The following TRIM22 variants were observed in gnomAD, a reference collection of about 807,000 sequenced individuals.
TRIM22 encodes the protein tripartite motif containing 22, also known as E3 ubiquitin-protein ligase TRIM22.
Under a neutral mutation model 53.6 loss-of-function variants are expected in TRIM22, and 45 were observed. The ratio of observed to expected loss-of-function variants is 0.84; its 90% CI spans 0.66 to 1.08. The LOEUF is 1.08. Among genes scored for constraint, TRIM22 ranks in the 50% least tolerant of loss-of-function variants. The pLI, the probability that TRIM22 is intolerant of heterozygous loss-of-function variation, is 0.00. For missense variants in TRIM22, 616 were observed against 590.9 expected (o/e 1.04, Z -0.44); for synonymous variants, 225 against 216.6 (o/e 1.04, Z -0.34).
At chr11:5,695,253 G>A (rs1853238585) in intron 1 of TRIM22, among the ~76,000 whole-genome samples, 1 of 152,204 alleles carries the variant, frequency 6.6e-6, no homozygotes, top group South Asian at 2.1e-4. Context: ...CTTCTAAGAA[G>A]AGGACTTCTA....
intron 1 of TRIM22, chr11:5,690,878 G>A (rs1317843037): frequency 6.6e-6 from 1 of 152,252 alleles, no homozygotes; most frequent in Non-Finnish European, 1.5e-5. Flanking sequence ...TGGGTATGAG[G>A]CGAAGGAGTC....
In TRIM22 at chr11:5,709,418, G is replaced by C. The variant is rs1192333762; in HGVS notation, c.1267G>C (p.Asp423His). The C allele has an allele frequency of 6.2e-7, 1 of 1,614,042 alleles. No homozygotes were observed. The highest frequency in any genetic ancestry group is 1.3e-5 in the African/African-American group (1 of 75,000). The change falls in exon 8 of 8, where the codon GAC (aspartate) becomes CAC (histidine). Residue 423 changes from aspartate to histidine, a missense_variant. By Grantham distance (81) the Asp-to-His change is moderately conservative. Transcript: ENST00000379965. ...QNTCEYNAFE[D>H]SSSSDPKVLT... is the part of the protein sequence containing the mutation. Reference sequence around the variant, plus strand: ...TACATGTGAATATAATGCTTTTGAGGACTCCTCCTCTTCTGATCCCAAGGT... The same window carrying C: ...TACATGTGAATATAATGCTTTTGAGCACTCCTCCTCTTCTGATCCCAAGGT...
At chr11:5,697,130 C>A in intron 2 of TRIM22, 118 bp from the exon 3 acceptor site, 1 of 701,742 alleles carries the variant, frequency 1.4e-6, no homozygotes, top group South Asian at 2.1e-5. Context: ...TAATCACCAG[C>A]CTCACTGTTT....
At chr11:5,701,278 A>G (rs4369439) in intron 4 of TRIM22, among the ~76,000 whole-genome samples, 88,968 of 151,990 alleles carry the variant, frequency 0.59, 26,219 homozygotes, top group Admixed American at 0.63. Flanking sequence ...GGAGAATTTT[A>G]ATAATTTCCT....
rs1433968758 is a variant in TRIM22 at position 5,693,077 on chromosome 11, G to A, written c.-66-3090G>A. ...ATATATATATTTTTTAGTAGATACGGGGTCTCACCATAGTGGCCAGGCTGG... is the reference window on the plus strand; with the variant it reads ...ATATATATATTTTTTAGTAGATACGAGGTCTCACCATAGTGGCCAGGCTGG... On this transcript the variant is annotated intron_variant, in intron 1 of 7. Transcript: ENST00000379965. Among the ~76,000 whole-genome samples the A allele has an allele frequency of 4.0e-5, 6 of 151,608 alleles. No homozygotes were observed. In the East Asian group the frequency reaches 9.8e-4, roughly 25 times the overall value.
At chr11:5,706,648 G>T (rs1456913381) in intron 5 of TRIM22, 32 bp downstream of exon 5, 5 of 1,588,706 alleles carry the variant, frequency 3.1e-6, no homozygotes, top group Non-Finnish European at 4.3e-6. Flanking sequence ...GGTCTTATTT[G>T]TCTGAAAAGA....
At chr11:5,706,492 C>CA in intron 4 of TRIM22, 102 bp from the exon 5 acceptor site, 3 of 1,035,230 alleles carry the variant, frequency 2.9e-6, no homozygotes, top group South Asian at 1.6e-5. Context: ...ATATATATAA[C>CA]AAAAAATATA....
chr11:5,693,010 G>A (rs1853197655), intron 1 of TRIM22, among the ~76,000 whole-genome samples: 1 of 151,356 alleles, frequency 6.6e-6, no homozygotes, highest in African/African-American at 2.4e-5. Context: ...AGAGTAGCGG[G>A]GACTACAAGC....
chr11:5,706,648 G>C, intron 5 of TRIM22, 32 bp downstream of exon 5: 3 of 1,588,824 alleles, frequency 1.9e-6, no homozygotes, highest in Non-Finnish European at 2.6e-6. Context: ...GGTCTTATTT[G>C]TCTGAAAAGA....
chr11:5,692,351 T>C (rs2134170233), intron 1 of TRIM22, among the ~76,000 whole-genome samples: 1 of 152,334 alleles, frequency 6.6e-6, no homozygotes, highest in African/African-American at 2.4e-5. Context: ...ATTTAAGAAC[T>C]GATGAACTAA....
Position 5,689,865 on chromosome 11 carries a change from C to T in TRIM22, c.-101C>T, listed in dbSNP as rs1406801215. 1.3e-5 allele frequency: 2 copies of T among 152,260 alleles called. No homozygotes were observed. Among genetic ancestry groups the T allele is most frequent in the East Asian group, 3.9e-4 (2 of 5,192 alleles). The allele number at this position is 152,260 out of a possible 1,614,324, so 9.4% of individuals were successfully genotyped here. ...GCTCCTGCCCTGCCTTCACTCTTCT[C>T]CCCTGATTCAAGACTCCTCTGCTTT... On this transcript the variant is annotated 5_prime_UTR_variant, in exon 1 of 8. Coordinates refer to ENST00000379965, the MANE Select transcript of TRIM22 (RefSeq NM_006074.5).
In TRIM22 at chr11:5,709,685, C is replaced by T. The variant is rs1423999943; in HGVS notation, c.*37C>T. 1.9e-6 allele frequency: 3 copies of T among 1,548,354 alleles called. No individual in the cohort carries two copies. Among genetic ancestry groups the T allele is most frequent in the Admixed American group, 3.5e-5 (2 of 57,640 alleles). On this transcript the variant is annotated 3_prime_UTR_variant, in exon 8 of 8. Coordinates refer to ENST00000379965, the MANE Select transcript of TRIM22 (RefSeq NM_006074.5). ...CCTTTACCCACTTCTGCATAGTAGCCCTTGTGCTGAGACTCAGATTCTGCA... is the reference window on the plus strand; with the variant it reads ...CCTTTACCCACTTCTGCATAGTAGCTCTTGTGCTGAGACTCAGATTCTGCA...
intron 4 of TRIM22, among the ~76,000 whole-genome samples, chr11:5,704,648 CTGTT>C (rs1284348855): frequency 3.3e-5 from 5 of 151,998 alleles, no homozygotes; most frequent in Non-Finnish European, 7.4e-5. Flanking sequence ...TGGTAAAGAT[CTGTT>C]TATTTATTTT....
intron 1 of TRIM22, among the ~76,000 whole-genome samples, chr11:5,694,549 G>A (rs187163747): frequency 6.6e-6 from 1 of 152,218 alleles, no homozygotes; most frequent in Non-Finnish European, 1.5e-5. Flanking sequence ...ATAAATCTGT[G>A]CTGCAGTGGA....
chr11:5,701,416 C>T (rs4604919), intron 4 of TRIM22, among the ~76,000 whole-genome samples: 89,018 of 151,918 alleles, frequency 0.59, 26,243 homozygotes, highest in Admixed American at 0.63. Flanking sequence ...TCTATTGTTG[C>T]GTAAGAAAAC....
Position 5,696,508 on chromosome 11 carries a change from GA to G in TRIM22, c.278del (p.Lys93ArgfsTer41), listed in dbSNP as rs758077226. 1.2e-6 allele frequency: 2 copies of G among 1,614,262 alleles called. No homozygotes were observed. Among genetic ancestry groups the G allele is most frequent in the Non-Finnish European group, 1.7e-6 (2 of 1,180,044 alleles). On this transcript the variant is annotated frameshift_variant, in exon 2 of 8. Transcript: ENST00000379965. LOFTEE classifies it high-confidence loss of function. ...TCAAGATGAGCCCACAGGAGGGGCA[GA>G]AGAGAGATGTCTGTGAGCACCATGG... ...EVKMSPQEGQ[K>X]RDVCEHHGKK...
chr11:5,698,218 C>T (rs929765775), intron 3 of TRIM22, 97 bp from the exon 4 acceptor site: 4 of 983,994 alleles, frequency 4.1e-6, no homozygotes, highest in African/African-American at 3.2e-5. Flanking sequence ...TTTGAGAACT[C>T]CCTGAGGAAA....
chr11:5,700,605 T>TTTTTTTTTTTTTTTGTTTTTTTC (rs369811867), intron 4 of TRIM22, among the ~76,000 whole-genome samples: 1 of 92,870 alleles, frequency 1.1e-5, no homozygotes. Flanking sequence ...TTTTTTTTTT[T>TTTTTTTTTTTTTTTGTTTTTTTC]CAGATTTGTA....
At position 5,706,730 on chromosome 11, in the gene TRIM22, G is replaced by A. The variant is rs368333558; in HGVS notation, c.773+114G>A. 5.5e-6 allele frequency: 6 copies of A among 1,098,974 alleles called. No individual in the cohort carries two copies. In the East Asian group the frequency reaches 1.3e-4, roughly 24 times the overall value. The allele number at this position is 1,098,974 out of a possible 1,614,324, so 68.1% of individuals were successfully genotyped here. ...AAAATCAAAAGGCTGGGAAATTTGT[G>A]TATTAAATTGTCCCAAATTGCTAGT... On this transcript the variant is annotated intron_variant, in intron 5 of 7. Transcript: ENST00000379965.
Sources: gnomAD v4.1 joint callset for allele counts (sites outside exome capture counted in the v4.1 genomes callset) on GRCh38, gnomAD v4.1.1 for gene constraint, MANE v1.5 for transcripts, NCBI Gene and HGNC (gene_info 2026-07-23, HGNC 2026-07-21) for gene names.